Variants in CCDC91 observed in about 807,000 individuals in gnomAD.
CCDC91 encodes the protein coiled-coil domain-containing protein 91.
Under a neutral mutation model 63.2 loss-of-function variants are expected in CCDC91, and 48 were observed. That is an observed-to-expected ratio of 0.76 (90% CI 0.60 to 0.97). The LOEUF (loss-of-function observed/expected upper bound fraction) is 0.97, where lower values mean the gene tolerates loss of function less well. Among genes scored for constraint, CCDC91 ranks in the 50% least tolerant of loss-of-function variants. The pLI, the probability that CCDC91 is intolerant of heterozygous loss-of-function variation, is 0.00. For synonymous variants in CCDC91, 167 were observed against 165.8 expected (o/e 1.01, Z -0.06); for missense variants, 500 against 494.6 (o/e 1.01, Z -0.10).
chr12:28,375,295 T>C (rs1436221421), intron 7 of CCDC91, among the ~76,000 whole-genome samples: 2 of 152,040 alleles, frequency 1.3e-5, no homozygotes, highest in African/African-American at 4.8e-5. Context: ...CATTTCTATA[T>C]GTAACATGTC....
intron 12 of CCDC91, among the ~76,000 whole-genome samples, chr12:28,494,107 T>G (rs1565473062): frequency 6.6e-6 from 1 of 151,742 alleles, no homozygotes; most frequent in Non-Finnish European, 1.5e-5. Flanking sequence ...CCTGATGACT[T>G]TGTTCCAAAA....
intron 12 of CCDC91, among the ~76,000 whole-genome samples, chr12:28,547,733 G>T (rs16932901): frequency 0.085 from 12,978 of 152,086 alleles, 1,707 homozygotes; most frequent in African/African-American, 0.29. Flanking sequence ...ATAGTTCAAT[G>T]ATTTTACAGG....
intron 6 of CCDC91, among the ~76,000 whole-genome samples, chr12:28,335,760 G>C (rs988937077): frequency 6.6e-6 from 1 of 151,842 alleles, no homozygotes; most frequent in Admixed American, 6.6e-5. Context: ...ATTTTTAGTA[G>C]AATTCTCCCA....
At chr12:28,409,996 T>C (rs748851459) in intron 8 of CCDC91, among the ~76,000 whole-genome samples, 5 of 152,168 alleles carry the variant, frequency 3.3e-5, no homozygotes, top group African/African-American at 4.8e-5. Context: ...GAAAAGGTTG[T>C]ACATTCTGGT....
chr12:28,198,629 T>C (rs1447871044), intron 1 of CCDC91, among the ~76,000 whole-genome samples: 10 of 152,146 alleles, frequency 6.6e-5, no homozygotes, highest in Admixed American at 5.2e-4. Flanking sequence ...ATGGTGATAG[T>C]TTTCATGAGA....
chr12:28,214,583 G>T (rs1592004739), intron 1 of CCDC91, among the ~76,000 whole-genome samples: 1 of 83,198 alleles, frequency 1.2e-5, no homozygotes, highest in Non-Finnish European at 3.1e-5. Context: ...TGTTATGTTT[G>T]TGTGTGTGTG....
At chr12:28,425,800 A>T (rs1948282219) in intron 8 of CCDC91, among the ~76,000 whole-genome samples, 1 of 152,122 alleles carries the variant, frequency 6.6e-6, no homozygotes, top group South Asian at 2.1e-4. Context: ...AGACATGCAA[A>T]TTCTGTGGTA....
chr12:28,217,164 A>T (rs182304325), intron 1 of CCDC91, among the ~76,000 whole-genome samples: 1 of 152,292 alleles, frequency 6.6e-6, no homozygotes, highest in African/African-American at 2.4e-5. Flanking sequence ...AATGAGCAAG[A>T]TGGTAGTATT....
At chr12:28,321,042 T>C (rs1318467580) in intron 6 of CCDC91, among the ~76,000 whole-genome samples, 1 of 151,906 alleles carries the variant, frequency 6.6e-6, no homozygotes. Flanking sequence ...AAATCTACTA[T>C]GTAAAACTGT....
intron 8 of CCDC91, among the ~76,000 whole-genome samples, chr12:28,431,704 C>T (rs1306228692): frequency 1.3e-5 from 2 of 151,952 alleles, no homozygotes; most frequent in Non-Finnish European, 2.9e-5. Flanking sequence ...TGTGAATTCC[C>T]TGTACCTTTG....
intron 8 of CCDC91, among the ~76,000 whole-genome samples, chr12:28,443,394 C>T (rs1949334533): frequency 1.3e-5 from 2 of 151,964 alleles, no homozygotes; most frequent in African/African-American, 2.4e-5. Flanking sequence ...ATTAATACTC[C>T]ATTGGCATCT....
At chr12:28,385,243 A>G (rs1945530752) in intron 7 of CCDC91, among the ~76,000 whole-genome samples, 1 of 152,086 alleles carries the variant, frequency 6.6e-6, no homozygotes, top group South Asian at 2.1e-4. Flanking sequence ...ATTATTTTGT[A>G]TATACTATTA....
At chr12:28,380,411 A>G (rs1945227248) in intron 7 of CCDC91, among the ~76,000 whole-genome samples, 1 of 152,118 alleles carries the variant, frequency 6.6e-6, no homozygotes, top group Admixed American at 6.6e-5. Context: ...ACTTACTAAA[A>G]TGAACTTTTC....
At chr12:28,210,902 G>A (rs6487671) in intron 1 of CCDC91, among the ~76,000 whole-genome samples, 39,530 of 151,464 alleles carry the variant, frequency 0.26, 5,425 homozygotes, top group Non-Finnish European at 0.31. Context: ...CAAGCTTCCA[G>A]GGACATACAA....
chr12:28,291,330 C>A (rs1949233839), intron 3 of CCDC91, among the ~76,000 whole-genome samples: 1 of 152,190 alleles, frequency 6.6e-6, no homozygotes, highest in South Asian at 2.1e-4. Flanking sequence ...AACTTCATGG[C>A]TCAATTCGTT....
intron 12 of CCDC91, among the ~76,000 whole-genome samples, chr12:28,531,694 G>A (rs1319923150): frequency 6.6e-6 from 1 of 152,166 alleles, no homozygotes; most frequent in African/African-American, 2.4e-5. Flanking sequence ...TGGAGCAATT[G>A]CTAAAATAAA....
Position 28,414,742 on chromosome 12 carries a change from C to A in CCDC91, c.762+23331C>A, listed in dbSNP as rs117528794. On this transcript the variant is annotated intron_variant, in intron 8 of 12. Coordinates refer to ENST00000536442, the MANE Select transcript of CCDC91 (RefSeq NM_018318.5). ...GGTAATGATATATTGTTACAAGACA[C>A]CCACTCATTCTGCTTGGGAAGAACA... Among the ~76,000 whole-genome samples the A allele has an allele frequency of 8.6e-3, 1,304 of 152,204 alleles. 16 individuals are homozygous for A. The highest frequency in any genetic ancestry group is 0.015 in the Non-Finnish European group (999 of 68,018).
intron 8 of CCDC91, among the ~76,000 whole-genome samples, chr12:28,442,665 G>T (rs146007353): frequency 1.2e-3 from 179 of 152,224 alleles, no homozygotes; most frequent in Non-Finnish European, 2.1e-3. Flanking sequence ...ATCAAAAAAT[G>T]AGTATGAACT....
At chr12:28,194,548 G>A (rs1941573337) in intron 1 of CCDC91, among the ~76,000 whole-genome samples, 1 of 152,152 alleles carries the variant, frequency 6.6e-6, no homozygotes, top group African/African-American at 2.4e-5. Flanking sequence ...GAGTGATACA[G>A]CTCTTAAAGG....
Sources: gnomAD v4.1 joint callset for allele counts (sites outside exome capture counted in the v4.1 genomes callset) on GRCh38, gnomAD v4.1.1 for gene constraint, MANE v1.5 for transcripts, NCBI Gene and HGNC (gene_info 2026-07-23, HGNC 2026-07-21) for gene names.